The following CPZ variants were observed in gnomAD, a reference collection of about 807,000 sequenced individuals.
CPZ encodes the protein VEZT/CPZ fusion.
In CPZ, 103 loss-of-function variants were observed where a neutral mutation model predicts 61.8. That is an observed-to-expected ratio of 1.67 (90% CI 1.42 to 1.96). The LOEUF is 1.96. Ranked by LOEUF, CPZ falls within the 30% of genes most tolerant of loss-of-function variation. CPZ has a pLI of 0.00. For missense variants in CPZ, 1,461 were observed against 914.9 expected (o/e 1.60, Z -7.70); for synonymous variants, 551 against 373.7 (o/e 1.47, Z -5.47).
chr4:8,606,674 A>T (rs1225241513), intron 5 of CPZ, 63 bp from the exon 6 acceptor site: 1 of 1,599,984 alleles, frequency 6.3e-7, no homozygotes, highest in Non-Finnish European at 8.6e-7. Context: ...CGTGAGACCC[A>T]TCTGGAAGGA....
chr4:8,616,218 A>T (rs1577129512), intron 9 of CPZ, among the ~76,000 whole-genome samples: 1 of 152,246 alleles, frequency 6.6e-6, no homozygotes, highest in East Asian at 1.9e-4. Context: ...GTCGTGGCCA[A>T]TTGAGGCTTT....
chr4:8,614,416 G>T lies in CPZ; in HGVS notation c.1421G>T (p.Gly474Val). 1 of 1,614,058 alleles carries T rather than the reference G, an allele frequency of 6.2e-7. No homozygotes were observed. Among genetic ancestry groups the T allele is most frequent in the South Asian group, 1.1e-5 (1 of 91,082 alleles). Residue 474 changes from glycine to valine, a missense_variant, in exon 9 of 11, where the codon GGC becomes GTC. Transcript: ENST00000360986. Reference sequence around the variant, plus strand: ...TGCTTTGAGATCACGGTAGAGCTGGGCTGTGTGAAGTTCCCCCCCGAGGAG... The same window carrying T: ...TGCTTTGAGATCACGGTAGAGCTGGTCTGTGTGAAGTTCCCCCCCGAGGAG... The part of the protein sequence containing the change: ...TNCFEITVEL[G>V]CVKFPPEEAL...
chr4:8,615,983 G>A (rs531415716), intron 9 of CPZ, among the ~76,000 whole-genome samples: 13 of 152,316 alleles, frequency 8.5e-5, no homozygotes, highest in South Asian at 4.1e-4. Flanking sequence ...ATGAGCTCTC[G>A]CGCCAGGCCT....
chr4:8,609,219 C>CTCACTCCCTCACTCACTCACTCATTCAT, intron 7 of CPZ, among the ~76,000 whole-genome samples: 1 of 32,890 alleles, frequency 3.0e-5, no homozygotes, highest in Admixed American at 5.3e-4. Flanking sequence ...TACTCATTCA[C>CTCACTCCCTCACTCACTCACTCATTCAT]TTACTCACTC....
At chr4:8,616,172 A>G (rs1405712669) in intron 9 of CPZ, among the ~76,000 whole-genome samples, 2 of 152,172 alleles carry the variant, frequency 1.3e-5, no homozygotes, top group African/African-American at 2.4e-5. Context: ...GTCTTACAGG[A>G]GACCTGGGCG....
chr4:8,599,698 C>A, intron 2 of CPZ: 1 of 1,291,118 alleles, frequency 7.7e-7, no homozygotes, highest in Non-Finnish European at 1.0e-6. Flanking sequence ...CAGCTTCCCA[C>A]CGGGCTATGC....
At chr4:8,611,884 C>A in intron 7 of CPZ, 143 bp from the exon 8 acceptor site, 1 of 1,188,982 alleles carries the variant, frequency 8.4e-7, no homozygotes, top group Non-Finnish European at 1.2e-6. Context: ...GACACCGTTC[C>A]CCTCTCCTAC....
Position 8,613,199 on chromosome 4 carries a change from G to A in CPZ, c.1363+1037G>A, listed in dbSNP as rs78253261. Among the ~76,000 whole-genome samples, 2,174 of 148,978 alleles carry A rather than the reference G, an allele frequency of 0.015. 195 individuals are homozygous for A. In the East Asian group the frequency reaches 0.27, roughly 18 times the overall value. On this transcript the variant is annotated intron_variant, in intron 8 of 10. Transcript: ENST00000360986. ...CAGGCTGGAGCACAGTGGTGCGATC[G>A]CAGCTCACTGCAATCTCTGCCTCCC...
chr4:8,619,701 C>A lies in CPZ; in HGVS notation c.*84C>A. 1 of 1,051,582 alleles carries A rather than the reference C, an allele frequency of 9.5e-7. No homozygotes were observed. Among genetic ancestry groups the A allele is most frequent in the Non-Finnish European group, 1.3e-6 (1 of 759,832 alleles). 65.1% of individuals were successfully genotyped at this position (1,051,582 alleles called of 1,614,324 possible). ...TCCTGGCTCTTGATTTTGTCTGCCA[C>A]AGACATCCCACAAAGCCGCTGCCAT... On this transcript the variant is annotated 3_prime_UTR_variant, in exon 11 of 11. Transcript: ENST00000360986.
Position 8,619,502 on chromosome 4 carries a change from A to C in CPZ, c.1844A>C (p.Glu615Ala), listed in dbSNP as rs542973431. Residue 615 changes from glutamate (E) to alanine (A), a missense_variant, in exon 11 of 11, where the codon GAG becomes GCG. Physicochemically the swap from Glu to Ala is moderately radical, Grantham distance 107. Coordinates refer to ENST00000360986, the MANE Select transcript of CPZ (RefSeq NM_001014447.3). ...GGASSLGEAT[E>A]PDPLRARRQP... is the part of the protein sequence containing the mutation. ...GCCAGCTCTTTGGGGGAGGCCACGG[A>C]GCCCGACCCGCTCCGGGCGCGCAGG... 7.5e-6 allele frequency: 12 copies of C among 1,604,396 alleles called. No homozygotes were observed. In the East Asian group the frequency reaches 2.0e-4, roughly 27 times the overall value.
chr4:8,618,930 G>T (rs1197854808), intron 10 of CPZ, among the ~76,000 whole-genome samples: 1 of 151,238 alleles, frequency 6.6e-6, no homozygotes, highest in Non-Finnish European at 1.5e-5. Flanking sequence ...CACAGCCGAT[G>T]AAAAATGACG....
At chr4:8,603,860 C>A (rs755676825) in intron 3 of CPZ, 116 bp from the exon 4 acceptor site, 21 of 867,692 alleles carry the variant, frequency 2.4e-5, no homozygotes, top group Non-Finnish European at 3.9e-5. Flanking sequence ...TAGAGATGTC[C>A]AAGCATGGCT....
chr4:8,613,901 G>A (rs548239675), intron 8 of CPZ, among the ~76,000 whole-genome samples: 18 of 152,372 alleles, frequency 1.2e-4, no homozygotes, highest in African/African-American at 4.1e-4. Context: ...GGGTCTCCAG[G>A]CCAGCAGCTG....
rs748041253 is a variant in CPZ, at chr4:8,606,172, T to C, written c.893T>C (p.Val298Ala). The C allele has an allele frequency of 1.2e-5, 19 of 1,613,712 alleles. No homozygotes were observed. Among genetic ancestry groups the C allele is most frequent in the Non-Finnish European group, 1.5e-5 (18 of 1,179,810 alleles). ...TCCATGAACCCTGACGGCTATGAGG[T>C]GGCAGCTGCCGAGGTGAGCGCCCAG... ...LPSMNPDGYE[V>A]AAAEGAGYNG... The change falls in exon 5 of 11, where the codon GTG (valine) becomes GCG (alanine). Residue 298 changes from valine (V) to alanine (A), a missense_variant. By Grantham distance (64) the Val-to-Ala change is moderately conservative. Transcript: ENST00000360986.
chr4:8,614,997 G>A (rs1242979369), intron 9 of CPZ, among the ~76,000 whole-genome samples: 1 of 152,124 alleles, frequency 6.6e-6, no homozygotes, highest in African/African-American at 2.4e-5. Context: ...CGAGCCGTGG[G>A]ATGGGGCGGG....
intron 6 of CPZ, 117 bp from the exon 7 acceptor site, chr4:8,607,150 G>A: frequency 7.8e-7 from 1 of 1,285,408 alleles, no homozygotes; most frequent in Non-Finnish European, 1.1e-6. Flanking sequence ...GTGCGTTGAT[G>A]TAGAGACCGT....
intron 9 of CPZ, among the ~76,000 whole-genome samples, chr4:8,616,565 T>TGGA (rs141877139): frequency 1.3e-4 from 20 of 152,060 alleles, no homozygotes; most frequent in Non-Finnish European, 2.5e-4. Context: ...GAGGGCTTCC[T>TGGA]GGAGGAGGAG....
At chr4:8,603,895 CTG>C (rs1714752167) in intron 3 of CPZ, 79 bp from the exon 4 acceptor site, 1 of 1,198,036 alleles carries the variant, frequency 8.3e-7, no homozygotes, top group Non-Finnish European at 1.2e-6. Flanking sequence ...ACTAAGGGTG[CTG>C]TGTGTGGTCA....
intron 8 of CPZ, among the ~76,000 whole-genome samples, chr4:8,612,621 C>G (rs1019354294): frequency 1.3e-5 from 2 of 152,216 alleles, no homozygotes; most frequent in Admixed American, 6.5e-5. Flanking sequence ...TGTGGTTTCT[C>G]TGGAGCCCGA....
Sources: allele counts gnomAD v4.1 joint callset (sites outside exome capture counted in the v4.1 genomes callset), GRCh38; gene constraint gnomAD v4.1.1; transcripts MANE v1.5; gene names NCBI Gene and HGNC (gene_info 2026-07-23, HGNC 2026-07-21).